CACYBP: variants seen among roughly 807,000 people sequenced by gnomAD.
CACYBP encodes calcyclin binding protein.
In CACYBP, 11 loss-of-function variants were observed where a neutral mutation model predicts 29.6. The observed-to-expected ratio is 0.37, with a 90% confidence interval of 0.23 to 0.61. The LOEUF (loss-of-function observed/expected upper bound fraction) is 0.61. Ranked by LOEUF, CACYBP falls within the 20% of genes least tolerant of loss-of-function variation. The pLI, the probability that CACYBP is intolerant of heterozygous loss-of-function variation, is 0.65. For synonymous variants in CACYBP, 73 were observed against 88.3 expected (o/e 0.83, Z 0.97); for missense variants, 163 against 260.7 (o/e 0.63, Z 2.58).
chr1:175,004,694 A>G lies in CACYBP; in HGVS notation c.96A>G (p.Glu32=), dbSNP rs1393552008. Residue 32 remains glutamate, a synonymous_variant, in exon 2 of 6, where the codon GAA becomes GAG. Coordinates refer to ENST00000367679, the MANE Select transcript of CACYBP (RefSeq NM_014412.3). The part of the protein sequence containing the change: ...RKRVRDALTA[E]KSKIETEIKN... ...GAGTACGTGATGCCCTTACAGCTGA[A>G]AAATCCAAGATTGAGACAGAAATCA... 2.0e-5 allele frequency: 32 copies of G among 1,614,074 alleles called. No individual in the cohort carries two copies. The highest frequency in any genetic ancestry group is 2.7e-5 in the Non-Finnish European group (32 of 1,179,898).
chr1:175,002,194 T>G (rs1558323773), intron 1 of CACYBP, among the ~76,000 whole-genome samples: 1 of 152,238 alleles, frequency 6.6e-6, no homozygotes, highest in African/African-American at 2.4e-5. Flanking sequence ...ACTGTTAGAC[T>G]GTTTCCAGAG....
chr1:175,000,267 C>T lies in CACYBP; in HGVS notation c.15+72C>T, dbSNP rs1672436665. The T allele has an allele frequency of 3.2e-6, 5 of 1,549,284 alleles. No homozygotes were observed. The African/African-American group carries it at 5.6e-5, about 17-fold the overall frequency. Reference sequence around the variant, plus strand: ...CAGCGCCAGCCTCCCGCCCTACCGCCGTTTCCGTGGGCTGAGCCGCCCTGC... The same window carrying T: ...CAGCGCCAGCCTCCCGCCCTACCGCTGTTTCCGTGGGCTGAGCCGCCCTGC... On this transcript the variant is annotated intron_variant, in intron 1 of 5. Coordinates refer to ENST00000367679, the MANE Select transcript of CACYBP (RefSeq NM_014412.3).
intron 1 of CACYBP, among the ~76,000 whole-genome samples, chr1:175,002,265 A>G (rs1672511698): frequency 6.6e-6 from 1 of 152,206 alleles, no homozygotes; most frequent in Non-Finnish European, 1.5e-5. Context: ...CCACATCATT[A>G]TCAACATTTG....
rs377688600 is a variant in CACYBP, at chr1:175,004,804, C to G, written c.206C>G (p.Thr69Arg). Residue 69 changes from threonine (T) to arginine (R), a missense_variant, in exon 2 of 6, where the codon ACG becomes AGG. Transcript: ENST00000367679. ...GCTGCTGTGGTTGCTCCCATTACAA[C>G]GGGCTATACGGTGAAAATCAGTAAT... Reference protein sequence around the residue: ...KPAAVVAPITTGYTVKISNYG... With the variant: ...KPAAVVAPITRGYTVKISNYG... The G allele has an allele frequency of 6.2e-7, 1 of 1,611,726 alleles. No individual in the cohort carries two copies. Among genetic ancestry groups the G allele is most frequent in the South Asian group, 1.1e-5 (1 of 91,018 alleles).
intron 1 of CACYBP, chr1:175,000,563 A>G: frequency 8.6e-7 from 1 of 1,167,656 alleles, no homozygotes; most frequent in Non-Finnish European, 1.1e-6. Context: ...GCTGGGTGCA[A>G]ACATGAGTGT....
chr1:175,011,106 T>TAAAAAAAAAAAAAAAAAAAAAAAAAAAAA lies in CACYBP; in HGVS notation c.*1048_*1049insAAAAAAAAAAAAAAAAAAAAAAAAAAAAA, dbSNP rs535813233. 3.5e-5 allele frequency: 3 copies of TAAAAAAAAAAAAAAAAAAAAAAAAAAAAA among 85,220 alleles called. No individual in the cohort carries two copies. Among genetic ancestry groups the TAAAAAAAAAAAAAAAAAAAAAAAAAAAAA allele is most frequent in the Non-Finnish European group, 4.6e-5 (2 of 43,032 alleles). The allele number at this position is 85,220 out of a possible 1,614,324, so 5.3% of individuals were successfully genotyped here. A position where few individuals can be genotyped will look rare whatever the true frequency, so the allele number is the denominator to read the frequency against. On this transcript the variant is annotated 3_prime_UTR_variant, in exon 6 of 6. Transcript: ENST00000367679. ...GTAACAGATTGAGAACCTGTCTCAT[T>TAAAAAAAAAAAAAAAAAAAAAAAAAAAAA]AAAAAAAAAAAAAAAAAAAAAGCCG... is the stretch of plus-strand genomic sequence containing the variant.
rs147864481 is a variant in CACYBP, at chr1:175,006,104, G to A, written c.236-641G>A. Among the ~76,000 whole-genome samples, 405 of 152,200 alleles carry A rather than the reference G, an allele frequency of 2.7e-3. 1 individual carries two copies. The highest frequency in any genetic ancestry group is 4.8e-3 in the Non-Finnish European group (323 of 67,980). On this transcript the variant is annotated intron_variant, in intron 2 of 5. Coordinates refer to ENST00000367679, the MANE Select transcript of CACYBP (RefSeq NM_014412.3). ...GTTTTTTATTTTCTACAAATGTGATGGTATTTTGTGAAGTATTTATATATA... is the reference window on the plus strand; with the variant it reads ...GTTTTTTATTTTCTACAAATGTGATAGTATTTTGTGAAGTATTTATATATA...
intron 2 of CACYBP, 182 bp downstream of exon 2, chr1:175,005,015 C>A (rs1252664515): frequency 1.6e-6 from 1 of 636,754 alleles, no homozygotes; most frequent in Non-Finnish European, 2.8e-6. Context: ...GTTCTAGAAG[C>A]TGTTAACAAG....
chr1:175,007,085 C>T lies in CACYBP; in HGVS notation c.333-13C>T. 1 of 1,500,922 alleles carries T rather than the reference C, an allele frequency of 6.7e-7. No individual in the cohort carries two copies. Among genetic ancestry groups the T allele is most frequent in the Non-Finnish European group, 9.3e-7 (1 of 1,079,794 alleles). 93.0% of individuals were successfully genotyped at this position (1,500,922 alleles called of 1,614,324 possible). A position where few individuals can be genotyped will look rare whatever the true frequency, so the allele number is the denominator to read the frequency against. ...AGAACTAGAAAGATGATGTATTCAC[C>T]ATTGTGTTGCAGGTCATTTGATCTT... On this transcript the variant is annotated splice_polypyrimidine_tract_variant and intron_variant, in intron 3 of 5. Coordinates refer to ENST00000367679, the MANE Select transcript of CACYBP (RefSeq NM_014412.3).
intron 5 of CACYBP, 103 bp from the exon 6 acceptor site, chr1:175,009,820 C>G: frequency 2.4e-6 from 2 of 840,094 alleles, no homozygotes; most frequent in Non-Finnish European, 3.7e-6. Context: ...GGTACTCTGT[C>G]TTCCTTCTTA....
At chr1:175,007,586 C>T (rs1047615086) in intron 4 of CACYBP, among the ~76,000 whole-genome samples, 14 of 152,302 alleles carry the variant, frequency 9.2e-5, no homozygotes, top group African/African-American at 2.6e-4. Context: ...GCCAGGTTTA[C>T]AGCTTATTGT....
intron 1 of CACYBP, among the ~76,000 whole-genome samples, chr1:175,003,317 C>T (rs574810222): frequency 6.6e-6 from 1 of 152,204 alleles, no homozygotes; most frequent in East Asian, 1.9e-4. Context: ...CGGGCTTTCG[C>T]CGTGTTGGTC....
At position 175,008,358 on chromosome 1, in the gene CACYBP, A is replaced by AC. The variant is rs769492990; in HGVS notation, c.433-245dup. ...CCTTCCTAATGAAGTTCCTGCCCCC[A>AC]CCCCCCATTAACACCCGCTTTGTCT... On this transcript the variant is annotated intron_variant, in intron 4 of 5. Coordinates refer to ENST00000367679, the MANE Select transcript of CACYBP (RefSeq NM_014412.3). Among the ~76,000 whole-genome samples, 28 of 150,348 alleles carry AC rather than the reference A, an allele frequency of 1.9e-4. No individual in the cohort carries two copies. In the East Asian group the frequency reaches 2.0e-3, roughly 11 times the overall value.
chr1:175,005,516 TAG>T (rs61039748), intron 2 of CACYBP, among the ~76,000 whole-genome samples: 1 of 151,728 alleles, frequency 6.6e-6, no homozygotes, highest in Non-Finnish European at 1.5e-5. Flanking sequence ...CAGGGAGAAT[TAG>T]AGAGATTTGA....
chr1:175,003,175 A>G (rs1013112162), intron 1 of CACYBP, among the ~76,000 whole-genome samples: 7 of 151,282 alleles, frequency 4.6e-5, no homozygotes, highest in Non-Finnish European at 8.8e-5. Flanking sequence ...CTGGAGTGCA[A>G]TGGCGCGATC....
Position 175,010,055 on chromosome 1 carries a change from A to C in CACYBP, c.663A>C (p.Gln221His), listed in dbSNP as rs1672711606. The C allele has an allele frequency of 3.1e-6, 5 of 1,613,368 alleles. No homozygotes were observed. The Admixed American group carries it at 8.3e-5, about 27-fold the overall frequency. Residue 221 changes from glutamine to histidine, a missense_variant, in exon 6 of 6, where the codon CAA becomes CAC. Transcript: ENST00000367679. The stretch of plus-strand genomic sequence containing the variant: ...CCTGGGTGGAATCAAGAGAGAAGCA[A>C]GCCAAAGGAGACACGGAATTTTGAG... ...NKAWVESREK[Q>H]AKGDTEF
At chr1:175,007,372 AT>A (rs1672646106) in intron 4 of CACYBP, among the ~76,000 whole-genome samples, 175 bp downstream of exon 4, 2 of 152,320 alleles carry the variant, frequency 1.3e-5, no homozygotes, top group East Asian at 3.9e-4. Flanking sequence ...TTGTTTGTGG[AT>A]GCTTTTGTGC....
intron 1 of CACYBP, chr1:175,000,612 T>C: frequency 1.9e-6 from 2 of 1,066,602 alleles, no homozygotes; most frequent in South Asian, 5.6e-5. Flanking sequence ...GAGTTCTCAG[T>C]GCTAGCACTT....
chr1:175,000,335 G>T, intron 1 of CACYBP, 140 bp downstream of exon 1: 1 of 1,459,796 alleles, frequency 6.9e-7, no homozygotes, highest in South Asian at 1.4e-5. Context: ...CCTTCCCGGG[G>T]GACACCTCAC....
Sources: gnomAD v4.1 joint callset for allele counts (sites outside exome capture counted in the v4.1 genomes callset) on GRCh38, gnomAD v4.1.1 for gene constraint, MANE v1.5 for transcripts, NCBI Gene and HGNC (gene_info 2026-07-23, HGNC 2026-07-21) for gene names.